SLC6A14: variants seen among roughly 807,000 people sequenced by gnomAD.
SLC6A14 encodes the protein sodium- and chloride-dependent neutral and basic amino acid transporter B(0+).
SLC6A14 carries 21 observed loss-of-function variants against 51.4 expected under a neutral mutation model. That is an observed-to-expected ratio of 0.41 (90% CI 0.29 to 0.59). The LOEUF is 0.59. Ranked by LOEUF, SLC6A14 falls within the 20% of genes least tolerant of loss-of-function variation. SLC6A14 has a pLI of 0.31. For missense variants in SLC6A14, 371 were observed against 472.8 expected, an observed-to-expected ratio of 0.78 and a Z score of 2.00; for synonymous variants, 177 against 160.7, an observed-to-expected ratio of 1.10 and a Z score of -0.77.
At chrX:116,458,483 T>C (rs1927976113) in intron 13 of SLC6A14, among the ~76,000 whole-genome samples, 1 of 111,636 alleles carries the variant, frequency 9.0e-6, no homozygotes, top group Non-Finnish European at 1.9e-5. Context: ...AGGATGGAAA[T>C]GTCTGATTCA....
At chrX:116,458,085 T>C (rs1927969345) in intron 13 of SLC6A14, among the ~76,000 whole-genome samples, 1 of 112,027 alleles carries the variant, frequency 8.9e-6, no homozygotes, top group Non-Finnish European at 1.9e-5. Context: ...TATCTATACC[T>C]ATGTTGAGTT....
At position 116,437,896 on chromosome X, in the gene SLC6A14, A is replaced by G; in HGVS notation, c.155A>G (p.Tyr52Cys). Reference sequence around the variant, plus strand: ...GATTATCTTCTATCTATGATTGGATACGCAGTGGGATTAGGAAATGTGTGG... The same window carrying G: ...GATTATCTTCTATCTATGATTGGATGCGCAGTGGGATTAGGAAATGTGTGG... ...KSDYLLSMIG[Y>C]AVGLGNVWRF... Residue 52 changes from tyrosine (Y) to cysteine (C), a missense_variant, in exon 2 of 14, where the codon TAC (tyrosine) becomes TGC (cysteine). Coordinates refer to ENST00000598581, the MANE Select transcript of SLC6A14 (RefSeq NM_007231.5). 1 of 1,208,878 alleles carries G rather than the reference A, an allele frequency of 8.3e-7. No homozygotes were observed. Among genetic ancestry groups the G allele is most frequent in the Non-Finnish European group, 1.1e-6 (1 of 893,114 alleles).
intron 3 of SLC6A14, 27 bp from the exon 4 acceptor site, chrX:116,442,660 T>G: frequency 9.2e-7 from 1 of 1,090,092 alleles, no homozygotes; most frequent in African/African-American, 1.9e-5. Context: ...AGTTTGGTTT[T>G]TATTTTAATT....
intron 3 of SLC6A14, among the ~76,000 whole-genome samples, chrX:116,441,867 A>G (rs569949476): frequency 2.7e-5 from 3 of 111,831 alleles, no homozygotes; most frequent in Non-Finnish European, 3.8e-5. Flanking sequence ...TTCTTTACAC[A>G]TAGTTGTAGA....
chrX:116,459,015 C>G lies in SLC6A14; in HGVS notation c.*60C>G. ...TGATTTTTTTTAGAATAGGGGGAACCTTATTTATTTGTGTGTTAACTGAAT... is the reference window on the plus strand; with the variant it reads ...TGATTTTTTTTAGAATAGGGGGAACGTTATTTATTTGTGTGTTAACTGAAT... On this transcript the variant is annotated 3_prime_UTR_variant, in exon 14 of 14. Transcript: ENST00000598581. 1 of 968,915 alleles carries G rather than the reference C, an allele frequency of 1.0e-6. No individual in the cohort carries two copies. Among genetic ancestry groups the G allele is most frequent in the Admixed American group, 2.8e-5 (1 of 36,069 alleles). 79.8% of individuals were successfully genotyped at this position (968,915 alleles called of 1,213,427 possible). A position where few individuals can be genotyped will look rare whatever the true frequency, so the allele number is the denominator to read the frequency against.
chrX:116,442,225 C>T (rs1927612656), intron 3 of SLC6A14, among the ~76,000 whole-genome samples: 1 of 111,369 alleles, frequency 9.0e-6, no homozygotes, highest in African/African-American at 3.3e-5. Flanking sequence ...CAGCATTAGC[C>T]CCTACTCTCC....
At position 116,446,873 on chromosome X, in the gene SLC6A14, G is replaced by A; in HGVS notation, c.922G>A (p.Glu308Lys). 8.3e-7 allele frequency: 1 copy of A among 1,205,681 alleles called. No individual in the cohort carries two copies. Among genetic ancestry groups the A allele is most frequent in the South Asian group, 1.8e-5 (1 of 56,202 alleles). The change falls in exon 7 of 14, where the codon GAA (glutamate) becomes AAA (lysine). Residue 308 changes from glutamate (E) to lysine (K), a missense_variant. Glu to Lys is a moderately conservative substitution (Grantham distance 56). Around this residue, in one of 2 missense-constraint regions of SLC6A14, gnomAD observed 277 missense variants for 391.8 expected, o/e 0.71. Coordinates refer to ENST00000598581, the MANE Select transcript of SLC6A14 (RefSeq NM_007231.5). ...GAQSNFTKLKEAEVWKDAATQ... is the reference protein window; with the variant it reads ...GAQSNFTKLKKAEVWKDAATQ... ...CCAGTCAAATTTTACAAAACTTAAGGAAGCTGAGGTGAGTCTTAATTTGGA... is the reference window on the plus strand; with the variant it reads ...CCAGTCAAATTTTACAAAACTTAAGAAAGCTGAGGTGAGTCTTAATTTGGA...
Position 116,458,968 on chromosome X carries a change from A to T in SLC6A14, c.*13A>T, listed in dbSNP as rs782316893. The T allele has an allele frequency of 2.3e-5, 27 of 1,177,580 alleles. No individual in the cohort carries two copies. The East Asian group carries it at 7.5e-4, about 33-fold the overall frequency. On this transcript the variant is annotated 3_prime_UTR_variant, in exon 14 of 14. Transcript: ENST00000598581. The stretch of plus-strand genomic sequence containing the variant: ...AAAACCGGAATGAGATCTCATTGAA[A>T]AAAATATATGATTGTATAATGTGAT...
intron 7 of SLC6A14, among the ~76,000 whole-genome samples, chrX:116,447,604 TC>T (rs1263709590): frequency 0.016 from 1,459 of 89,606 alleles, 35 homozygotes; most frequent in African/African-American, 0.057. Context: ...TTTTTTTTTT[TC>T]TTTTTTTTTT....
Position 116,454,476 on chromosome X carries a change from T to G in SLC6A14, c.1404+34T>G, listed in dbSNP as rs782252903. 6 of 842,743 alleles carry G rather than the reference T, an allele frequency of 7.1e-6. No homozygotes were observed. The South Asian group carries it at 1.1e-4, about 15-fold the overall frequency. 69.5% of individuals were successfully genotyped at this position (842,743 alleles called of 1,213,427 possible). A position where few individuals can be genotyped will look rare whatever the true frequency, so the allele number is the denominator to read the frequency against. The stretch of plus-strand genomic sequence containing the variant: ...CAGCATTTTTTTTCATAGAAACATA[T>G]TAGTTGGAACATACTTTATAACCTA... On this transcript the variant is annotated intron_variant, in intron 10 of 13. Transcript: ENST00000598581.
chrX:116,457,540 C>A (rs1185457388), intron 12 of SLC6A14, 69 bp from the exon 13 acceptor site: 2 of 849,239 alleles, frequency 2.4e-6, no homozygotes, highest in African/African-American at 4.1e-5. Flanking sequence ...GGAACAGAAT[C>A]AAATTGCTAA....
intron 10 of SLC6A14, 104 bp downstream of exon 10, chrX:116,454,546 G>A (rs782486209): frequency 2.0e-6 from 1 of 489,055 alleles, no homozygotes; most frequent in South Asian, 3.8e-5. Context: ...GACAAGTCCA[G>A]GTCTGACTTG....
At chrX:116,438,039 T>A (rs1442494124) in intron 2 of SLC6A14, 84 bp downstream of exon 2, 76 of 802,499 alleles carry the variant, frequency 9.5e-5, no homozygotes, top group East Asian at 1.4e-4. Context: ...GAGAATATTT[T>A]ACGAGTTGAA....
At chrX:116,453,445 T>C (rs1264932089) in intron 9 of SLC6A14, among the ~76,000 whole-genome samples, 3 of 111,138 alleles carry the variant, frequency 2.7e-5, no homozygotes, top group African/African-American at 9.8e-5. Flanking sequence ...AAGCAACTCT[T>C]ACCATAGATT....
At chrX:116,438,527 G>T (rs1556693461) in intron 2 of SLC6A14, among the ~76,000 whole-genome samples, 3 of 111,878 alleles carry the variant, frequency 2.7e-5, no homozygotes, top group Non-Finnish European at 1.9e-5. Context: ...CTTCTAAAAT[G>T]AAATAATTTA....
At chrX:116,444,331 C>T (rs1927661448) in intron 5 of SLC6A14, among the ~76,000 whole-genome samples, 1 of 111,708 alleles carries the variant, frequency 9.0e-6, no homozygotes, top group Admixed American at 9.6e-5. Context: ...ACCTCTTCTT[C>T]ATCCACTGTT....
intron 2 of SLC6A14, among the ~76,000 whole-genome samples, 173 bp downstream of exon 2, chrX:116,438,128 T>C (rs45551940): frequency 0.28 from 31,472 of 110,602 alleles, 3,428 homozygotes; most frequent in Admixed American, 0.32. Context: ...TTAGTCTGGG[T>C]TACCAGCTCA....
chrX:116,444,559 T>C (rs1326573154), intron 5 of SLC6A14, among the ~76,000 whole-genome samples: 1 of 112,105 alleles, frequency 8.9e-6, no homozygotes, highest in Non-Finnish European at 1.9e-5. Flanking sequence ...CTCATTATTT[T>C]AACATGAGAA....
At chrX:116,438,937 G>A (rs978156794) in intron 2 of SLC6A14, among the ~76,000 whole-genome samples, 5 of 111,641 alleles carry the variant, frequency 4.5e-5, no homozygotes, top group South Asian at 3.7e-4. Flanking sequence ...TTATTAAACC[G>A]TTTAAGTGTC....
Sources: allele counts gnomAD v4.1 joint callset (sites outside exome capture counted in the v4.1 genomes callset), GRCh38; gene constraint gnomAD v4.1.1; regional missense constraint gnomAD v4.1.1; transcripts MANE v1.5; gene names NCBI Gene and HGNC (gene_info 2026-07-23, HGNC 2026-07-21).